CHD9: variants seen among roughly 807,000 people sequenced by gnomAD.
CHD9 encodes ATP-dependent chromatin remodeler CHD9.
CHD9 carries 77 observed loss-of-function variants against 316.1 expected under a neutral mutation model. That is an observed-to-expected ratio of 0.24 (90% CI 0.20 to 0.29). The LOEUF (loss-of-function observed/expected upper bound fraction) is 0.29, where lower values mean the gene tolerates loss of function less well. CHD9 is among the 10% of genes least tolerant of loss of function. The pLI is 1.00. For missense variants in CHD9, 2,763 were observed against 3,438.1 expected, an observed-to-expected ratio of 0.80 and a Z score of 4.91; for synonymous variants, 1,129 against 1,158.3, an observed-to-expected ratio of 0.97 and a Z score of 0.51.
intron 1 of CHD9, among the ~76,000 whole-genome samples, chr16:53,149,177 A>G (rs953183858): frequency 1.3e-5 from 2 of 152,160 alleles, no homozygotes; most frequent in African/African-American, 4.8e-5. Context: ...GGCCTACCAT[A>G]TGGCCAATCC....
chr16:53,229,468 A>G (rs944380059), intron 8 of CHD9, among the ~76,000 whole-genome samples: 1 of 152,204 alleles, frequency 6.6e-6, no homozygotes, highest in African/African-American at 2.4e-5. Context: ...AATATATTGC[A>G]TATTTTCTAT....
chr16:53,212,030 G>A (rs1455489717), intron 3 of CHD9, among the ~76,000 whole-genome samples: 1 of 152,094 alleles, frequency 6.6e-6, no homozygotes, highest in African/African-American at 2.4e-5. Flanking sequence ...CAATTGGGCT[G>A]TTCCTAATAC....
chr16:53,171,786 G>A (rs1036570320), intron 2 of CHD9, among the ~76,000 whole-genome samples: 7 of 151,372 alleles, frequency 4.6e-5, no homozygotes, highest in African/African-American at 1.7e-4. Context: ...AGGAGACAGG[G>A]GTTGCAGGTG....
chr16:53,238,063 G>A (rs2048780709), intron 11 of CHD9, among the ~76,000 whole-genome samples: 1 of 151,992 alleles, frequency 6.6e-6, no homozygotes, highest in Non-Finnish European at 1.5e-5. Context: ...AATGATTCCT[G>A]AACAAATAAT....
chr16:53,060,463 A>T (rs1034957305), intron 1 of CHD9, among the ~76,000 whole-genome samples: 2 of 152,128 alleles, frequency 1.3e-5, no homozygotes, highest in African/African-American at 4.8e-5. Context: ...TAAAAATTTT[A>T]AAAATTAGCT....
At chr16:53,239,244 A>G (rs528417661) in intron 12 of CHD9, among the ~76,000 whole-genome samples, 201 of 152,136 alleles carry the variant, frequency 1.3e-3, no homozygotes, top group African/African-American at 4.4e-3. Context: ...CATAGATTGT[A>G]AAATAAAGAG....
intron 1 of CHD9, among the ~76,000 whole-genome samples, chr16:53,116,405 A>C (rs917897607): frequency 4.6e-5 from 7 of 152,226 alleles, no homozygotes; most frequent in African/African-American, 9.6e-5. Context: ...TGTTCTTGCC[A>C]AATAGTACAC....
At chr16:53,146,326 G>A (rs1352238830) in intron 1 of CHD9, among the ~76,000 whole-genome samples, 1 of 146,150 alleles carries the variant, frequency 6.8e-6, no homozygotes, top group Non-Finnish European at 1.5e-5. Context: ...CCGGGAGGCA[G>A]AGGTTGCAGT....
chr16:53,314,649 T>C, intron 35 of CHD9, 133 bp downstream of exon 35: 2 of 992,960 alleles, frequency 2.0e-6, no homozygotes, highest in Admixed American at 3.0e-5. Flanking sequence ...TAATTTTAGA[T>C]GATATCTTAG....
intron 1 of CHD9, among the ~76,000 whole-genome samples, chr16:53,133,599 T>C (rs1441379937): frequency 6.6e-6 from 1 of 152,200 alleles, no homozygotes; most frequent in Non-Finnish European, 1.5e-5. Flanking sequence ...TGTAAAACTT[T>C]GTTTCCTCCA....
intron 1 of CHD9, among the ~76,000 whole-genome samples, chr16:53,073,505 G>A (rs565143288): frequency 2.3e-4 from 35 of 152,290 alleles, no homozygotes; most frequent in Non-Finnish European, 3.8e-4. Context: ...ATCCAGAAGT[G>A]GAACTGCTAG....
At chr16:53,251,187 G>A (rs2050098121) in intron 17 of CHD9, among the ~76,000 whole-genome samples, 1 of 152,112 alleles carries the variant, frequency 6.6e-6, no homozygotes, top group South Asian at 2.1e-4. Flanking sequence ...CTTTAAAAAG[G>A]TAAAAAAGCC....
At chr16:53,132,405 C>G (rs1303984767) in intron 1 of CHD9, among the ~76,000 whole-genome samples, 2 of 152,160 alleles carry the variant, frequency 1.3e-5, no homozygotes, top group Non-Finnish European at 2.9e-5. Context: ...TCCAGTTCTA[C>G]TTAACCAGCT....
chr16:53,209,811 T>C lies in CHD9; in HGVS notation c.1782T>C (p.Ile594=), dbSNP rs1367344653. 1.9e-6 allele frequency: 3 copies of C among 1,547,932 alleles called. No individual in the cohort carries two copies. The highest frequency in any genetic ancestry group is 2.6e-6 in the Non-Finnish European group (3 of 1,146,474). ...CTAAGTTAAAAGAGAAGACAAAAAT[T>C]GGGTAAGTTGGTTAAGAATTAAATT... is the stretch of plus-strand genomic sequence containing the variant. ...TCSKLKEKTK[I]GKLIITLGKK... Residue 594 remains isoleucine, a splice_region_variant and synonymous_variant, in exon 3 of 39, where the codon ATT becomes ATC. Coordinates refer to ENST00000447540, the MANE Select transcript of CHD9 (RefSeq NM_001308319.2).
At chr16:53,192,988 A>G (rs1206741084) in intron 2 of CHD9, among the ~76,000 whole-genome samples, 2 of 152,088 alleles carry the variant, frequency 1.3e-5, no homozygotes, top group Non-Finnish European at 2.9e-5. Context: ...GGGTAAATAT[A>G]TAAGTGTAAA....
At chr16:53,122,186 G>C (rs1397891823) in intron 1 of CHD9, 2 of 152,012 alleles carry the variant, frequency 1.3e-5, no homozygotes, top group South Asian at 4.1e-4. Flanking sequence ...ACACACACTT[G>C]TTCAATATTT....
intron 37 of CHD9, 56 bp from the exon 38 acceptor site, chr16:53,321,470 A>C (rs1441288581): frequency 2.0e-6 from 3 of 1,465,546 alleles, no homozygotes; most frequent in South Asian, 1.4e-5. Flanking sequence ...AATAAAAGCA[A>C]TCAAGAGTTT....
At chr16:53,096,785 G>T (rs2036412917) in intron 1 of CHD9, among the ~76,000 whole-genome samples, 1 of 152,148 alleles carries the variant, frequency 6.6e-6, no homozygotes, top group Non-Finnish European at 1.5e-5. Context: ...CAGGTCAAGG[G>T]GTCCTATCTG....
rs747969668 is a variant in CHD9, at chr16:53,212,734, C to T, written c.1784+2921C>T. Among the ~76,000 whole-genome samples the T allele has an allele frequency of 5.9e-5, 9 of 152,200 alleles. No individual in the cohort carries two copies. In the South Asian group the frequency reaches 6.2e-4, roughly 11 times the overall value. On this transcript the variant is annotated intron_variant, in intron 3 of 38. Transcript: ENST00000447540. The stretch of plus-strand genomic sequence containing the variant: ...GGGGTTAAATTCTTTGCCTCTGGAG[C>T]CAGTTGCATTTGTTCAGATTCCAGT...
Sources: gnomAD v4.1 joint callset for allele counts (sites outside exome capture counted in the v4.1 genomes callset) on GRCh38, gnomAD v4.1.1 for gene constraint, MANE v1.5 for transcripts, NCBI Gene and HGNC (gene_info 2026-07-23, HGNC 2026-07-21) for gene names.